TEC: variants seen among roughly 807,000 people sequenced by gnomAD.
TEC encodes tyrosine-protein kinase Tec.
A neutral mutation model predicts 93.0 loss-of-function variants in TEC; 72 were observed. The ratio of observed to expected loss-of-function variants is 0.77; its 90% confidence interval spans 0.64 to 0.94. The LOEUF (loss-of-function observed/expected upper bound fraction) is 0.94. Ranked by LOEUF, TEC falls within the 40% of genes least tolerant of loss-of-function variation. The pLI is 0.00. For missense variants in TEC, 630 were observed against 757.9 expected, an observed-to-expected ratio of 0.83 and a Z score of 1.98; for synonymous variants, 249 against 247.7, an observed-to-expected ratio of 1.01 and a Z score of -0.05.
At chr4:48,221,937 A>G (rs1485732233) in intron 2 of TEC, among the ~76,000 whole-genome samples, 1 of 152,232 alleles carries the variant, frequency 6.6e-6, no homozygotes, top group Non-Finnish European at 1.5e-5. Context: ...GGAGCTTAAA[A>G]TCCAGTAGGT....
At chr4:48,233,638 T>TA (rs1723703727) in intron 1 of TEC, among the ~76,000 whole-genome samples, 1 of 127,740 alleles carries the variant, frequency 7.8e-6, no homozygotes. Context: ...AAAGAAAATG[T>TA]TAAAAAAAAC....
At chr4:48,255,565 C>G (rs1440659529) in intron 1 of TEC, among the ~76,000 whole-genome samples, 1 of 152,116 alleles carries the variant, frequency 6.6e-6, no homozygotes, top group Non-Finnish European at 1.5e-5. Context: ...CAGGAAGGCC[C>G]CAGATAACCA....
At chr4:48,241,912 T>C (rs1453010796) in intron 1 of TEC, among the ~76,000 whole-genome samples, 2 of 152,242 alleles carry the variant, frequency 1.3e-5, no homozygotes, top group Non-Finnish European at 2.9e-5. Flanking sequence ...TATTCTGACA[T>C]TTATTGCACA....
At chr4:48,171,578 T>A in intron 3 of TEC, 129 bp from the exon 4 acceptor site, 1 of 602,238 alleles carries the variant, frequency 1.7e-6, no homozygotes, top group Non-Finnish European at 2.7e-6. Flanking sequence ...TAACTTCATA[T>A]CCAGAAAACC....
intron 15 of TEC, among the ~76,000 whole-genome samples, chr4:48,140,315 T>G (rs1334187932): frequency 2.0e-5 from 3 of 152,212 alleles, no homozygotes; most frequent in Non-Finnish European, 4.4e-5. Context: ...GACTTCAAGC[T>G]TTTTCACTTT....
At chr4:48,217,867 G>A (rs1723131076) in intron 2 of TEC, among the ~76,000 whole-genome samples, 1 of 150,804 alleles carries the variant, frequency 6.6e-6, no homozygotes, top group South Asian at 2.1e-4. Flanking sequence ...TCACTGTACT[G>A]TAATTATAAA....
intron 15 of TEC, 66 bp from the exon 16 acceptor site, chr4:48,139,088 C>T (rs1469189471): frequency 7.2e-7 from 1 of 1,379,340 alleles, no homozygotes; most frequent in African/African-American, 1.4e-5. Context: ...CTTGCTCTTT[C>T]ATTTTTTTCC....
At chr4:48,161,206 C>G (rs919125895) in intron 8 of TEC, among the ~76,000 whole-genome samples, 3 of 152,066 alleles carry the variant, frequency 2.0e-5, no homozygotes, top group African/African-American at 7.2e-5. Context: ...AGAGGTAGAA[C>G]AAAGGAAAAA....
chr4:48,250,596 C>A (rs1453490905), intron 1 of TEC, among the ~76,000 whole-genome samples: 1 of 152,160 alleles, frequency 6.6e-6, no homozygotes, highest in Non-Finnish European at 1.5e-5. Flanking sequence ...CCGTGAGAAT[C>A]CAACTGTCCA....
intron 9 of TEC, among the ~76,000 whole-genome samples, chr4:48,154,860 C>T (rs1317353017): frequency 6.6e-6 from 1 of 152,162 alleles, no homozygotes; most frequent in Non-Finnish European, 1.5e-5. Flanking sequence ...GAGTCCCCAA[C>T]ATTAAAGAGC....
chr4:48,226,302 A>C (rs1403226751), intron 2 of TEC, among the ~76,000 whole-genome samples: 7 of 152,172 alleles, frequency 4.6e-5, no homozygotes, highest in African/African-American at 1.7e-4. Flanking sequence ...TGACCCTTAA[A>C]CAATATGGGC....
chr4:48,200,080 G>T (rs1722447987), intron 2 of TEC, among the ~76,000 whole-genome samples: 1 of 152,188 alleles, frequency 6.6e-6, no homozygotes, highest in Non-Finnish European at 1.5e-5. Flanking sequence ...CATTATACAG[G>T]GAAATCTAAT....
Position 48,149,701 on chromosome 4 carries a change from A to C in TEC, c.873-11T>G. 1 of 1,593,024 alleles carries C rather than the reference A, an allele frequency of 6.3e-7. No individual in the cohort carries two copies. On this transcript the variant is annotated splice_polypyrimidine_tract_variant and intron_variant, in intron 10 of 17. Coordinates refer to ENST00000381501, the MANE Select transcript of TEC (RefSeq NM_003215.3). ...CCCGATGAACCTTCTCTAGAACAAAAATCAAAATGTGTCAGAACCAAGTTG... is the reference window on the plus strand; with the variant it reads ...CCCGATGAACCTTCTCTAGAACAAACATCAAAATGTGTCAGAACCAAGTTG...
At chr4:48,202,472 A>G (rs1389880770) in intron 2 of TEC, among the ~76,000 whole-genome samples, 1 of 152,130 alleles carries the variant, frequency 6.6e-6, no homozygotes, top group African/African-American at 2.4e-5. Flanking sequence ...AGTCTGAGGC[A>G]GGAGAATTGC....
chr4:48,167,987 C>T (rs1448027769), intron 6 of TEC, 34 bp from the exon 7 acceptor site: 1 of 1,599,372 alleles, frequency 6.3e-7, no homozygotes, highest in East Asian at 2.2e-5. Flanking sequence ...AAAGTTTAGT[C>T]TTCTATATGA....
Position 48,145,484 on chromosome 4 carries a change from A to G in TEC, c.1177T>C (p.Tyr393His). 3 of 1,614,142 alleles carry G rather than the reference A, an allele frequency of 1.9e-6. No homozygotes were observed. Among genetic ancestry groups the G allele is most frequent in the Non-Finnish European group, 2.5e-6 (3 of 1,180,022 alleles). ...CGAATAGCTTTGATTGCGACTTTGT[A>G]CTGGGCTCGCCATTTGCCAAGCCTC... is the stretch of plus-strand genomic sequence containing the variant. ...VVRLGKWRAQ[Y>H]KVAIKAIREG... Residue 393 changes from tyrosine (Y) to histidine (H), a missense_variant, in exon 13 of 18, where the codon TAC (tyrosine) becomes CAC (histidine). Tyr to His is a moderately conservative substitution (Grantham distance 83). Coordinates refer to ENST00000381501, the MANE Select transcript of TEC (RefSeq NM_003215.3).
At chr4:48,167,993 T>C in intron 6 of TEC, 40 bp from the exon 7 acceptor site, 1 of 1,586,524 alleles carries the variant, frequency 6.3e-7, no homozygotes. Flanking sequence ...TAGTCTTCTA[T>C]ATGAAACTGA....
chr4:48,254,805 G>A (rs1724297629), intron 1 of TEC, among the ~76,000 whole-genome samples: 1 of 152,212 alleles, frequency 6.6e-6, no homozygotes. Flanking sequence ...ATGCCATAGG[G>A]CAGGATGGAG....
chr4:48,262,300 G>A (rs138694948), intron 1 of TEC, among the ~76,000 whole-genome samples: 38 of 144,224 alleles, frequency 2.6e-4, no homozygotes, highest in Non-Finnish European at 6.0e-5. Flanking sequence ...GAGTTCAAGA[G>A]ATTCTCCTGC....
Sources: allele counts gnomAD v4.1 joint callset (sites outside exome capture counted in the v4.1 genomes callset), GRCh38; gene constraint gnomAD v4.1.1; transcripts MANE v1.5; gene names NCBI Gene and HGNC (gene_info 2026-07-23, HGNC 2026-07-21).